The following CACNA2D3 variants were observed in gnomAD, a reference collection of about 807,000 sequenced individuals.
CACNA2D3 encodes the protein voltage-dependent calcium channel subunit alpha-2/delta-3.
Under a neutral mutation model 160.6 loss-of-function variants are expected in CACNA2D3, and 60 were observed. The ratio of observed to expected loss-of-function variants is 0.37; its 90% CI spans 0.30 to 0.46. The LOEUF (loss-of-function observed/expected upper bound fraction) is 0.46, where lower values mean the gene tolerates loss of function less well. Ranked by LOEUF, CACNA2D3 falls within the 20% of genes least tolerant of loss-of-function variation. The pLI, the probability that CACNA2D3 is intolerant of heterozygous loss-of-function variation, is 1.00. For missense variants in CACNA2D3, 1,205 were observed against 1,365.0 expected (o/e 0.88, Z 1.85); for synonymous variants, 558 against 492.9 (o/e 1.13, Z -1.75).
At chr3:54,652,026 TTGAC>T (rs1428890138) in intron 11 of CACNA2D3, among the ~76,000 whole-genome samples, 1 of 151,874 alleles carries the variant, frequency 6.6e-6, no homozygotes, top group East Asian at 1.9e-4. Context: ...TTGCCTCCCT[TTGAC>T]TGGTTGAGAG....
At chr3:54,735,996 TATATATATATGTATATATATAC>T (rs1559563395) in intron 11 of CACNA2D3, among the ~76,000 whole-genome samples, 5 of 70,258 alleles carry the variant, frequency 7.1e-5, no homozygotes, top group South Asian at 4.1e-4. Context: ...TATATATACA[TATATATATATGTATATATATAC>T]ACATACATAT....
At chr3:54,262,311 G>A (rs1702415867) in intron 2 of CACNA2D3, among the ~76,000 whole-genome samples, 1 of 152,104 alleles carries the variant, frequency 6.6e-6, no homozygotes, top group Non-Finnish European at 1.5e-5. Context: ...GATGGAAGAG[G>A]CATCATAAAA....
intron 27 of CACNA2D3, among the ~76,000 whole-genome samples, chr3:54,944,485 A>G (rs1445374399): frequency 1.3e-5 from 2 of 151,844 alleles, no homozygotes; most frequent in African/African-American, 4.8e-5. Context: ...CAGTGGCATG[A>G]TCTGGGCTCA....
At chr3:54,808,413 G>A (rs1257089225) in intron 13 of CACNA2D3, among the ~76,000 whole-genome samples, 1 of 152,068 alleles carries the variant, frequency 6.6e-6, no homozygotes, top group African/African-American at 2.4e-5. Context: ...TCTTTCCCCA[G>A]TAGTTTAGTT....
intron 35 of CACNA2D3, among the ~76,000 whole-genome samples, chr3:55,067,622 G>A (rs1704692449): frequency 6.6e-6 from 1 of 152,190 alleles, no homozygotes; most frequent in African/African-American, 2.4e-5. Context: ...TCCCTTGACA[G>A]TTACTCCCTG....
intron 25 of CACNA2D3, among the ~76,000 whole-genome samples, chr3:54,893,782 T>TA (rs1205010815): frequency 1.5e-5 from 2 of 137,726 alleles, no homozygotes; most frequent in African/African-American, 5.6e-5. Context: ...CCCCAATAGT[T>TA]ATAATACATT....
rs1425377757 is a variant in CACNA2D3 at position 54,512,244 on chromosome 3, C to T, written c.544+8590C>T. On this transcript the variant is annotated intron_variant, in intron 5 of 37. Transcript: ENST00000474759. ...TGGTATGAATGTGAATATAATATAT[C>T]CTTGCTGCCTCCATGTTGACCCTAC... is the stretch of plus-strand genomic sequence containing the variant. 5.3e-5 allele frequency among the ~76,000 whole-genome samples: 8 copies of T among 152,258 alleles called. No individual in the cohort carries two copies. In the East Asian group the frequency reaches 1.4e-3, roughly 26 times the overall value.
At chr3:54,497,501 T>C (rs954201357) in intron 4 of CACNA2D3, among the ~76,000 whole-genome samples, 2 of 152,078 alleles carry the variant, frequency 1.3e-5, no homozygotes, top group African/African-American at 4.8e-5. Flanking sequence ...CTTTAAGTTA[T>C]ATTATGTGAA....
chr3:54,621,336 C>G (rs55779022), intron 9 of CACNA2D3, among the ~76,000 whole-genome samples: 25,813 of 152,270 alleles, frequency 0.17, 2,905 homozygotes, highest in Non-Finnish European at 0.24. Flanking sequence ...CTGCTGGCCT[C>G]AACGTTGTGG....
chr3:54,805,679 T>G lies in CACNA2D3; in HGVS notation c.1381-11174T>G, dbSNP rs534895047. On this transcript the variant is annotated intron_variant, in intron 13 of 37. Transcript: ENST00000474759. The stretch of plus-strand genomic sequence containing the variant: ...ACTATTCCAGTCAATAGAAAAAGAG[T>G]GAATCCTCCCTAACTCATTTTATGA... Among the ~76,000 whole-genome samples, 108 of 151,992 alleles carry G rather than the reference T, an allele frequency of 7.1e-4. 1 individual carries two copies. The South Asian group carries it at 0.012, about 17-fold the overall frequency.
chr3:54,803,673 G>A (rs1237406836), intron 13 of CACNA2D3, among the ~76,000 whole-genome samples: 7 of 152,164 alleles, frequency 4.6e-5, no homozygotes, highest in African/African-American at 1.4e-4. Context: ...TAGCAAGGCA[G>A]ACCAACATTC....
intron 2 of CACNA2D3, among the ~76,000 whole-genome samples, chr3:54,125,708 G>A (rs1029693175): frequency 1.3e-5 from 2 of 152,120 alleles, no homozygotes; most frequent in African/African-American, 4.8e-5. Flanking sequence ...CACTATCCCC[G>A]CAAATGCTTT....
chr3:54,474,568 A>G (rs1003216749), intron 4 of CACNA2D3, among the ~76,000 whole-genome samples: 28 of 152,116 alleles, frequency 1.8e-4, no homozygotes, highest in Admixed American at 2.6e-4. Context: ...AAAAGCATAT[A>G]GTAGACCACC....
At chr3:54,646,343 G>A (rs2106855354) in intron 11 of CACNA2D3, among the ~76,000 whole-genome samples, 1 of 151,756 alleles carries the variant, frequency 6.6e-6, no homozygotes, top group East Asian at 1.9e-4. Flanking sequence ...TTACTGCACA[G>A]ATCATTCTGT....
chr3:54,576,818 G>A (rs376555621), intron 8 of CACNA2D3, among the ~76,000 whole-genome samples: 3 of 152,102 alleles, frequency 2.0e-5, no homozygotes, highest in Non-Finnish European at 2.9e-5. Context: ...AGGATTGCTC[G>A]AGCCCAGGAG....
chr3:54,610,748 G>C lies in CACNA2D3; in HGVS notation c.964-17039G>C, dbSNP rs1480873116. On this transcript the variant is annotated intron_variant, in intron 9 of 37. Transcript: ENST00000474759. ...AGATTCAAGTGATTCTTCTGCCTCA[G>C]CCTCCCAAGTAGCTGGTATTACAGA... 6.6e-5 allele frequency among the ~76,000 whole-genome samples: 10 copies of C among 152,166 alleles called. No individual in the cohort carries two copies. The East Asian group carries it at 1.9e-3, about 29-fold the overall frequency.
chr3:54,201,311 T>C (rs1383812869), intron 2 of CACNA2D3, among the ~76,000 whole-genome samples: 4 of 152,202 alleles, frequency 2.6e-5, no homozygotes, highest in Admixed American at 2.6e-4. Flanking sequence ...TGCTGAATAT[T>C]GAGATGAGAT....
intron 13 of CACNA2D3, among the ~76,000 whole-genome samples, chr3:54,779,185 C>T (rs577100730): frequency 6.6e-6 from 1 of 152,212 alleles, no homozygotes; most frequent in South Asian, 2.1e-4. Flanking sequence ...GCAACCTCCA[C>T]CTCCCAGGCT....
In CACNA2D3 at chr3:54,941,841, C is replaced by T. The variant is rs565086509; in HGVS notation, c.2450-26609C>T. Among the ~76,000 whole-genome samples the T allele has an allele frequency of 3.8e-3, 577 of 152,210 alleles. 3 individuals are homozygous for T. Among genetic ancestry groups the T allele is most frequent in the Non-Finnish European group, 5.7e-3 (385 of 68,010 alleles). On this transcript the variant is annotated intron_variant, in intron 27 of 37. Coordinates refer to ENST00000474759, the MANE Select transcript of CACNA2D3 (RefSeq NM_018398.3). ...AGGCTTCAGGGACATGCATTGGCCTCCTCCCTGCCACACAGTTCTGCAGCT... is the reference window on the plus strand; with the variant it reads ...AGGCTTCAGGGACATGCATTGGCCTTCTCCCTGCCACACAGTTCTGCAGCT...
Sources: gnomAD v4.1 joint callset for allele counts (sites outside exome capture counted in the v4.1 genomes callset) on GRCh38, gnomAD v4.1.1 for gene constraint, MANE v1.5 for transcripts, NCBI Gene and HGNC (gene_info 2026-07-23, HGNC 2026-07-21) for gene names.